RAB3IP: variants seen among roughly 807,000 people sequenced by gnomAD.
RAB3IP encodes RAB3A interacting protein, also known as rab-3A-interacting protein.
RAB3IP carries 36 observed loss-of-function variants against 59.1 expected under a neutral mutation model. That is an observed-to-expected ratio of 0.61 (90% CI 0.47 to 0.80). The LOEUF (loss-of-function observed/expected upper bound fraction) is 0.80, where lower values mean the gene tolerates loss of function less well. Among genes scored for constraint, RAB3IP ranks in the 30% least tolerant of loss-of-function variants. RAB3IP has a pLI of 0.00. For missense variants in RAB3IP, 511 were observed against 536.0 expected, an observed-to-expected ratio of 0.95 and a Z score of 0.46; for synonymous variants, 207 against 191.2, an observed-to-expected ratio of 1.08 and a Z score of -0.68.
intron 6 of RAB3IP, among the ~76,000 whole-genome samples, chr12:69,797,166 T>C (rs1365838713): frequency 3.3e-5 from 5 of 152,250 alleles, no homozygotes; most frequent in African/African-American, 1.2e-4. Flanking sequence ...CAACATGTCT[T>C]CTGTAAACAT....
At chr12:69,779,855 T>C (rs1232017716) in intron 3 of RAB3IP, among the ~76,000 whole-genome samples, 1 of 152,208 alleles carries the variant, frequency 6.6e-6, no homozygotes, top group African/African-American at 2.4e-5. Flanking sequence ...TACCTTATTT[T>C]GTCTCTTTGG....
intron 1 of RAB3IP, among the ~76,000 whole-genome samples, chr12:69,741,964 C>A (rs944161699): frequency 2.0e-5 from 3 of 152,082 alleles, no homozygotes; most frequent in Non-Finnish European, 4.4e-5. Flanking sequence ...AAATCAAATA[C>A]TCATTGAGCA....
At chr12:69,813,498 A>G (rs1880755550) in intron 10 of RAB3IP, among the ~76,000 whole-genome samples, 1 of 152,160 alleles carries the variant, frequency 6.6e-6, no homozygotes, top group Admixed American at 6.5e-5. Flanking sequence ...AGTCATGAGG[A>G]TAATTCTGAA....
chr12:69,741,903 C>T (rs925339577), intron 1 of RAB3IP, among the ~76,000 whole-genome samples: 2 of 152,174 alleles, frequency 1.3e-5, no homozygotes, highest in Non-Finnish European at 1.5e-5. Context: ...TTATGAGATA[C>T]GTAATGTTAA....
At chr12:69,780,798 C>T (rs1039577067) in intron 3 of RAB3IP, among the ~76,000 whole-genome samples, 10 of 151,892 alleles carry the variant, frequency 6.6e-5, no homozygotes, top group Non-Finnish European at 1.3e-4. Context: ...GTGCTTGATT[C>T]CTCCTAAATC....
intron 1 of RAB3IP, among the ~76,000 whole-genome samples, chr12:69,741,964 C>T (rs944161699): frequency 5.3e-5 from 8 of 152,082 alleles, no homozygotes; most frequent in Non-Finnish European, 7.4e-5. Context: ...AAATCAAATA[C>T]TCATTGAGCA....
At position 69,786,624 on chromosome 12, in the gene RAB3IP, A is replaced by G. The variant is rs143050699; in HGVS notation, c.606+1809A>G. On this transcript the variant is annotated intron_variant, in intron 4 of 10. Coordinates refer to ENST00000247833, the MANE Select transcript of RAB3IP (RefSeq NM_022456.5). ...GGTAAGAAAGCAAATATATTAAGCT[A>G]TTTATGTTAATTTTGATTTCCTGAC... 2.0e-5 allele frequency among the ~76,000 whole-genome samples: 3 copies of G among 152,238 alleles called. No homozygotes were observed. The East Asian group carries it at 5.8e-4, about 29-fold the overall frequency.
chr12:69,766,528 CT>C (rs71278203), intron 3 of RAB3IP, among the ~76,000 whole-genome samples: 3 of 146,932 alleles, frequency 2.0e-5, no homozygotes, highest in Admixed American at 6.7e-5. Context: ...CTTTTCTTTT[CT>C]TTTTTTTTTT....
At chr12:69,750,542 C>CA (rs1869086611) in intron 1 of RAB3IP, among the ~76,000 whole-genome samples, 1 of 119,426 alleles carries the variant, frequency 8.4e-6, no homozygotes, top group African/African-American at 3.1e-5. Context: ...CCCTCTACCT[C>CA]GTTTTTTTTT....
intron 1 of RAB3IP, among the ~76,000 whole-genome samples, chr12:69,749,697 C>G (rs1031098798): frequency 6.6e-6 from 1 of 152,170 alleles, no homozygotes; most frequent in Admixed American, 6.5e-5. Context: ...TCATTTCTTG[C>G]TTGTTGTTTG....
At chr12:69,747,527 C>T (rs375413086) in intron 1 of RAB3IP, among the ~76,000 whole-genome samples, 10 of 152,284 alleles carry the variant, frequency 6.6e-5, no homozygotes, top group Admixed American at 5.2e-4. Context: ...GTTGCTTAAA[C>T]ATCTTGGGCA....
At chr12:69,743,085 T>C (rs1887510125) in intron 1 of RAB3IP, among the ~76,000 whole-genome samples, 1 of 152,174 alleles carries the variant, frequency 6.6e-6, no homozygotes, top group Admixed American at 6.5e-5. Context: ...CAAATAAGTA[T>C]ATGAATTGAC....
Position 69,815,715 on chromosome 12 carries a change from G to T in RAB3IP, c.*269G>T, listed in dbSNP as rs1592642547. On this transcript the variant is annotated 3_prime_UTR_variant, in exon 11 of 11. Transcript: ENST00000247833. Reference sequence around the variant, plus strand: ...AAAAAAAAACCTGAAATAAATAAATGTTAGATTGAATGTGTGTACATTTTC... The same window carrying T: ...AAAAAAAAACCTGAAATAAATAAATTTTAGATTGAATGTGTGTACATTTTC... The T allele has an allele frequency of 4.1e-6, 1 of 244,502 alleles. No individual in the cohort carries two copies. The highest frequency in any genetic ancestry group is 7.8e-6 in the Non-Finnish European group (1 of 128,450). 15.1% of individuals were successfully genotyped at this position (244,502 alleles called of 1,614,324 possible). A position where few individuals can be genotyped will look rare whatever the true frequency, so the allele number is the denominator to read the frequency against.
At chr12:69,812,333 A>C (rs1424305022) in intron 8 of RAB3IP, 15 of 157,310 alleles carry the variant, frequency 9.5e-5, no homozygotes, top group Non-Finnish European at 2.1e-4. Flanking sequence ...TAGAGCAACC[A>C]ACCAACCAAA....
chr12:69,787,487 G>A (rs1324423026), intron 4 of RAB3IP, among the ~76,000 whole-genome samples: 2 of 152,112 alleles, frequency 1.3e-5, no homozygotes, highest in Admixed American at 1.3e-4. Flanking sequence ...GAAAAGTGAG[G>A]CAGAGAGGCT....
intron 1 of RAB3IP, among the ~76,000 whole-genome samples, chr12:69,743,522 T>C (rs1283609427): frequency 6.6e-6 from 1 of 152,212 alleles, no homozygotes; most frequent in East Asian, 1.9e-4. Context: ...TGTTGTGCTT[T>C]ACAATGTATA....
At chr12:69,784,271 A>G (rs554456867) in intron 3 of RAB3IP, among the ~76,000 whole-genome samples, 9 of 152,108 alleles carry the variant, frequency 5.9e-5, no homozygotes, top group Non-Finnish European at 1.2e-4. Context: ...GGTTAGTTGC[A>G]GTATGGTACA....
chr12:69,747,988 A>C (rs1273996887), intron 1 of RAB3IP, among the ~76,000 whole-genome samples: 1 of 152,104 alleles, frequency 6.6e-6, no homozygotes, highest in Non-Finnish European at 1.5e-5. Flanking sequence ...TGCTTTGAGG[A>C]ATTTTAGTAA....
chr12:69,751,371 T>C (rs2136115438), intron 1 of RAB3IP, among the ~76,000 whole-genome samples: 1 of 152,310 alleles, frequency 6.6e-6, no homozygotes, highest in East Asian at 1.9e-4. Flanking sequence ...CAGCCATTTT[T>C]CCCAAGGAGC....
Sources: allele counts gnomAD v4.1 joint callset (sites outside exome capture counted in the v4.1 genomes callset), GRCh38; gene constraint gnomAD v4.1.1; transcripts MANE v1.5; gene names NCBI Gene and HGNC (gene_info 2026-07-23, HGNC 2026-07-21).